PCDHGA3: variants seen among roughly 807,000 people sequenced by gnomAD.
The protein encoded by PCDHGA3 is protocadherin gamma-A3.
In PCDHGA3, 40 loss-of-function variants were observed where a neutral mutation model predicts 58.5. That is an observed-to-expected ratio of 0.68 (90% CI 0.53 to 0.89). The LOEUF (loss-of-function observed/expected upper bound fraction) is 0.89. Ranked by LOEUF, PCDHGA3 falls within the 40% of genes least tolerant of loss-of-function variation. The pLI, the probability that PCDHGA3 is intolerant of heterozygous loss-of-function variation, is 0.00. For missense variants in PCDHGA3, 1,223 were observed against 1,195.9 expected (o/e 1.02, Z -0.33); for synonymous variants, 530 against 525.7 (o/e 1.01, Z -0.11).
chr5:141,421,187 A>G (rs745843422), intron 1 of PCDHGA3: 5 of 1,473,698 alleles, frequency 3.4e-6, no homozygotes, highest in Non-Finnish European at 4.5e-6. Context: ...TTCACAACCA[A>G]CCAGCTCGAG....
At position 141,409,702 on chromosome 5, in the gene PCDHGA3, G is replaced by T. The variant is rs545411022; in HGVS notation, c.2424+63245G>T. The T allele has an allele frequency of 1.9e-6, 3 of 1,613,226 alleles. No individual in the cohort carries two copies. The East Asian group carries it at 6.7e-5, about 36-fold the overall frequency. ...TGGCGAGTGACCTAGAGCCCCTGGC[G>T]GTGTCGTCATACGTGTCAGTGAGCG... On this transcript the variant is annotated intron_variant, in intron 1 of 3. Coordinates refer to ENST00000253812, the MANE Select transcript of PCDHGA3 (RefSeq NM_018916.4).
intron 1 of PCDHGA3, chr5:141,427,298 G>C (rs960474831): frequency 4.4e-6 from 2 of 456,752 alleles, no homozygotes; most frequent in East Asian, 1.4e-4. Context: ...TCCTAGATGA[G>C]AATGACAATG....
intron 1 of PCDHGA3, chr5:141,430,857 A>C (rs748992376): frequency 1.9e-6 from 3 of 1,591,316 alleles, no homozygotes; most frequent in Non-Finnish European, 2.6e-6. Flanking sequence ...CAGATACGCT[A>C]TTCAGTTCCG....
intron 1 of PCDHGA3, among the ~76,000 whole-genome samples, chr5:141,474,770 G>A (rs1221980722): frequency 6.6e-6 from 1 of 152,204 alleles, no homozygotes; most frequent in African/African-American, 2.4e-5. Context: ...GAAATAGTAT[G>A]AGGCTCTAAC....
chr5:141,419,240 G>A lies in PCDHGA3; in HGVS notation c.2424+72783G>A, dbSNP rs753956971. On this transcript the variant is annotated intron_variant, in intron 1 of 3. Coordinates refer to ENST00000253812, the MANE Select transcript of PCDHGA3 (RefSeq NM_018916.4). ...CGGACAGTCAGCCTACCTGGTCCAC[G>A]TGCCAGAAAACAACCAGCCGGGTGC... is the stretch of plus-strand genomic sequence containing the variant. 6.8e-6 allele frequency: 11 copies of A among 1,613,862 alleles called. No individual in the cohort carries two copies. The highest frequency in any genetic ancestry group is 1.7e-5 in the Admixed American group (1 of 60,018).
rs1317308437 is a variant in PCDHGA3, at chr5:141,418,492, A to G, written c.2424+72035A>G. The G allele has an allele frequency of 1.9e-6, 3 of 1,613,886 alleles. No homozygotes were observed. The African/African-American group carries it at 4.0e-5, about 22-fold the overall frequency. On this transcript the variant is annotated intron_variant, in intron 1 of 3. Coordinates refer to ENST00000253812, the MANE Select transcript of PCDHGA3 (RefSeq NM_018916.4). ...AAACGCAGAGCGCTCACCACTTGGT[A>G]CTGACCGCCTTAGATGGTGGGGACC... is the stretch of plus-strand genomic sequence containing the variant.
At chr5:141,365,372 AT>A in intron 1 of PCDHGA3, 1 of 1,613,916 alleles carries the variant, frequency 6.2e-7, no homozygotes, top group Non-Finnish European at 8.5e-7. Flanking sequence ...CCCCGAAGTG[AT>A]CCTCACCTCT....
chr5:141,485,563 C>A lies in PCDHGA3; in HGVS notation c.2425-9244C>A. 2 of 1,612,904 alleles carry A rather than the reference C, an allele frequency of 1.2e-6. No individual in the cohort carries two copies. The highest frequency in any genetic ancestry group is 1.7e-6 in the Non-Finnish European group (2 of 1,179,034). ...AGATCGTAGATGTGAATGATCACGC[C>A]CCCCGTTTTCCGCGGCAGCAGCTGG... On this transcript the variant is annotated intron_variant, in intron 1 of 3. Coordinates refer to ENST00000253812, the MANE Select transcript of PCDHGA3 (RefSeq NM_018916.4). This position sits in a 1 kb window ranked among gnomAD's most constrained non-coding sequence, Gnocchi z 5.7.
At chr5:141,354,014 A>C (rs1759441261) in intron 1 of PCDHGA3, among the ~76,000 whole-genome samples, 1 of 152,248 alleles carries the variant, frequency 6.6e-6, no homozygotes, top group African/African-American at 2.4e-5. Flanking sequence ...AATTACTGTA[A>C]GTATTCATAA....
In PCDHGA3 at chr5:141,349,050, C is replaced by T. The variant is rs1040330832; in HGVS notation, c.2424+2593C>T. Among the ~76,000 whole-genome samples, 9 of 152,012 alleles carry T rather than the reference C, an allele frequency of 5.9e-5. No homozygotes were observed. The East Asian group carries it at 9.7e-4, about 16-fold the overall frequency. On this transcript the variant is annotated intron_variant, in intron 1 of 3. Transcript: ENST00000253812. ...CGTTTTGCTCATTAATGGTATAAGT[C>T]GGCTGGAGCTGAGAATTGGCATTAT...
At chr5:141,509,275 G>A (rs185255724) in intron 3 of PCDHGA3, among the ~76,000 whole-genome samples, 1 of 152,096 alleles carries the variant, frequency 6.6e-6, no homozygotes, top group East Asian at 1.9e-4. Flanking sequence ...CTCGCTACCC[G>A]CTCCCAGGGT....
chr5:141,416,169 TAA>T (rs1350204040), intron 1 of PCDHGA3: 1 of 152,706 alleles, frequency 6.5e-6, no homozygotes, highest in African/African-American at 2.4e-5. Flanking sequence ...TTGAATATAC[TAA>T]GTTTTTCATT....
intron 1 of PCDHGA3, among the ~76,000 whole-genome samples, chr5:141,445,720 G>T (rs2098475440): frequency 6.6e-6 from 1 of 152,158 alleles, no homozygotes; most frequent in Non-Finnish European, 1.5e-5. Flanking sequence ...AGAGGAAATA[G>T]CATGTGTAAA....
rs1256790840 is a variant in PCDHGA3, at chr5:141,392,835, C to T, written c.2424+46378C>T. 8 of 1,608,038 alleles carry T rather than the reference C, an allele frequency of 5.0e-6. No individual in the cohort carries two copies. In the South Asian group the frequency reaches 5.5e-5, roughly 11 times the overall value. On this transcript the variant is annotated intron_variant, in intron 1 of 3. Coordinates refer to ENST00000253812, the MANE Select transcript of PCDHGA3 (RefSeq NM_018916.4). The stretch of plus-strand genomic sequence containing the variant: ...AACAATGGCCGCTCCACAGAGTCGC[C>T]CCAGACGCGGCGAGCTGATCCTGCT...
chr5:141,400,591 C>A, intron 1 of PCDHGA3: 1 of 1,602,976 alleles, frequency 6.2e-7, no homozygotes, highest in Non-Finnish European at 8.5e-7. Flanking sequence ...ATGAAACTAT[C>A]GTACATTTTC....
Position 141,372,058 on chromosome 5 carries a change from G to T in PCDHGA3, c.2424+25601G>T, listed in dbSNP as rs769464516. ...AGCCTGCGCGTGTTGGTGGACGACC[G>T]CAACGACAATGCACCGCTGGTGCTG... On this transcript the variant is annotated intron_variant, in intron 1 of 3. Transcript: ENST00000253812. The T allele has an allele frequency of 8.1e-6, 13 of 1,613,556 alleles. No individual in the cohort carries two copies. In the East Asian group the frequency reaches 2.9e-4, roughly 36 times the overall value.
intron 1 of PCDHGA3, among the ~76,000 whole-genome samples, chr5:141,494,157 G>A (rs929922206): frequency 5.9e-5 from 9 of 152,312 alleles, no homozygotes; most frequent in African/African-American, 1.7e-4. Context: ...TGTCTGGCAC[G>A]GAGTTCTAGG....
At chr5:141,353,111 A>G (rs1759191357) in intron 1 of PCDHGA3, among the ~76,000 whole-genome samples, 1 of 151,828 alleles carries the variant, frequency 6.6e-6, no homozygotes, top group African/African-American at 2.4e-5. Flanking sequence ...ATAGATGGAG[A>G]TTGCTTTCTT....
At chr5:141,482,239 A>G (rs529504334) in intron 1 of PCDHGA3, among the ~76,000 whole-genome samples, 31 of 152,332 alleles carry the variant, frequency 2.0e-4, no homozygotes, top group Middle Eastern at 3.4e-3. Context: ...TGCCAATATA[A>G]GTATAGTACT....
Sources: allele counts gnomAD v4.1 joint callset (sites outside exome capture counted in the v4.1 genomes callset), GRCh38; gene constraint gnomAD v4.1.1; non-coding constraint Gnocchi (gnomAD v3.1); transcripts MANE v1.5; gene names NCBI Gene and HGNC (gene_info 2026-07-23, HGNC 2026-07-21).